Variants in FAT3 observed in about 807,000 individuals in gnomAD.
The protein encoded by FAT3 is FAT atypical cadherin 3.
A neutral mutation model predicts 310.2 loss-of-function variants in FAT3; 95 were observed. The ratio of observed to expected loss-of-function variants is 0.31; its 90% confidence interval spans 0.26 to 0.36. The LOEUF (loss-of-function observed/expected upper bound fraction) is 0.36. Ranked by LOEUF, FAT3 falls within the 10% of genes least tolerant of loss-of-function variation. FAT3 has a pLI of 1.00. For missense variants in FAT3, 5,408 were observed against 5,715.6 expected (o/e 0.95, Z 1.74); for synonymous variants, 2,314 against 2,192.9 (o/e 1.06, Z -1.54).
At chr11:92,812,478 A>C (rs1341408807) in intron 13 of FAT3, among the ~76,000 whole-genome samples, 1 of 152,032 alleles carries the variant, frequency 6.6e-6, no homozygotes, top group Non-Finnish European at 1.5e-5. Context: ...GCTACTCGGG[A>C]AGCTGAGGCA....
chr11:92,626,866 G>A (rs1368192733), intron 3 of FAT3, among the ~76,000 whole-genome samples: 6 of 152,288 alleles, frequency 3.9e-5, no homozygotes, highest in African/African-American at 1.2e-4. Flanking sequence ...CATGGTGCTT[G>A]TTCTGCTATG....
intron 10 of FAT3, 151 bp from the exon 11 acceptor site, chr11:92,805,002 G>T: frequency 1.5e-6 from 1 of 654,026 alleles, no homozygotes; most frequent in Non-Finnish European, 2.3e-6. Flanking sequence ...TGTTGCCCAA[G>T]AATCAAAGGG....
chr11:92,372,770 C>T (rs569321728), intron 2 of FAT3, among the ~76,000 whole-genome samples: 1 of 152,148 alleles, frequency 6.6e-6, no homozygotes, highest in East Asian at 1.9e-4. Context: ...ATGCCATTCT[C>T]CTGCCTCAGC....
At chr11:92,562,872 G>A (rs1014883020) in intron 3 of FAT3, among the ~76,000 whole-genome samples, 6 of 152,194 alleles carry the variant, frequency 3.9e-5, no homozygotes, top group African/African-American at 1.4e-4. Context: ...ACAGGTGAGG[G>A]TGGATTATTA....
intron 1 of FAT3, among the ~76,000 whole-genome samples, chr11:92,273,564 A>G (rs1946186453): frequency 1.3e-5 from 2 of 152,140 alleles, no homozygotes; most frequent in South Asian, 4.1e-4. Flanking sequence ...AATATCATAC[A>G]CTTTATCAAA....
chr11:92,482,948 GTTA>G (rs1234061432), intron 2 of FAT3, among the ~76,000 whole-genome samples: 5 of 152,202 alleles, frequency 3.3e-5, no homozygotes, highest in African/African-American at 9.6e-5. Flanking sequence ...ACAAAGAGCA[GTTA>G]TCATCGTAAA....
At chr11:92,449,473 G>A (rs1051161746) in intron 2 of FAT3, among the ~76,000 whole-genome samples, 1 of 149,844 alleles carries the variant, frequency 6.7e-6, no homozygotes, top group Non-Finnish European at 1.5e-5. Context: ...AGTATACCTG[G>A]TTATTCTTCC....
At chr11:92,591,662 G>A (rs541556) in intron 3 of FAT3, among the ~76,000 whole-genome samples, 86,969 of 151,956 alleles carry the variant, frequency 0.57, 26,608 homozygotes, top group African/African-American at 0.8. Flanking sequence ...AATTTTTGCT[G>A]AACTATAAGC....
intron 2 of FAT3, among the ~76,000 whole-genome samples, chr11:92,447,724 G>A (rs374410526): frequency 3.9e-5 from 6 of 152,152 alleles, no homozygotes; most frequent in African/African-American, 7.2e-5. Flanking sequence ...ACTGCTGTGC[G>A]CCAAGACCAG....
intron 6 of FAT3, among the ~76,000 whole-genome samples, chr11:92,770,967 A>G (rs1252592617): frequency 6.6e-6 from 1 of 152,040 alleles, no homozygotes; most frequent in African/African-American, 2.4e-5. Flanking sequence ...TGTTTACTCT[A>G]TTACACCTGT....
rs190854653 is a variant in FAT3, at chr11:92,351,452, T to C, written c.-17-644T>C. ...CAAAACACAGTTAATCCTTTTTAAA[T>C]ATAAAAATTCATTTGCACATATAGG... On this transcript the variant is annotated intron_variant, in intron 1 of 27. Transcript: ENST00000525166. 6.1e-3 allele frequency among the ~76,000 whole-genome samples: 935 copies of C among 152,310 alleles called. 10 individuals carry two copies. The highest frequency in any genetic ancestry group is 0.017 in the Middle Eastern group (5 of 294).
chr11:92,805,031 G>T (rs1310323285), intron 10 of FAT3, 122 bp from the exon 11 acceptor site: 4 of 869,110 alleles, frequency 4.6e-6, no homozygotes, highest in Non-Finnish European at 6.6e-6. Context: ...TATCTTTGTA[G>T]TATCCTAAAT....
chr11:92,625,487 G>A (rs562993689), intron 3 of FAT3, among the ~76,000 whole-genome samples: 18 of 152,272 alleles, frequency 1.2e-4, no homozygotes, highest in Admixed American at 9.8e-4. Context: ...CCTGAGGCCT[G>A]CAACACCAGC....
chr11:92,812,306 C>G (rs1046640543), intron 13 of FAT3, among the ~76,000 whole-genome samples: 1 of 152,146 alleles, frequency 6.6e-6, no homozygotes, highest in African/African-American at 2.4e-5. Context: ...GCACACAAAT[C>G]TGGCTTTCTA....
chr11:92,333,321 G>T (rs1591122718), intron 1 of FAT3, among the ~76,000 whole-genome samples: 1 of 152,294 alleles, frequency 6.6e-6, no homozygotes, highest in African/African-American at 2.4e-5. Context: ...TATTATAATA[G>T]TGATTCCTGT....
chr11:92,789,024 TAAAC>T (rs1946970914), intron 7 of FAT3, among the ~76,000 whole-genome samples: 2 of 152,190 alleles, frequency 1.3e-5, no homozygotes, highest in South Asian at 2.1e-4. Context: ...GTATATGTGA[TAAAC>T]AAACAAAACA....
intron 2 of FAT3, among the ~76,000 whole-genome samples, chr11:92,360,515 C>G (rs1356358042): frequency 6.6e-6 from 1 of 152,166 alleles, no homozygotes; most frequent in Non-Finnish European, 1.5e-5. Flanking sequence ...ATATTTTTGA[C>G]TACTCAGAGG....
chr11:92,617,459 A>G (rs758067281), intron 3 of FAT3, among the ~76,000 whole-genome samples: 4 of 152,118 alleles, frequency 2.6e-5, no homozygotes, highest in Non-Finnish European at 5.9e-5. Flanking sequence ...GTTATTACCA[A>G]TCGTCTGAAG....
rs1348455254 is a variant in FAT3, at chr11:92,857,201, A to G, written c.11366-13A>G. ...TTTGTGTACTGATCATGCATATTCCACCTTTGTCACAGGAGGACTGTGTCC... is the reference window on the plus strand; with the variant it reads ...TTTGTGTACTGATCATGCATATTCCGCCTTTGTCACAGGAGGACTGTGTCC... On this transcript the variant is annotated splice_polypyrimidine_tract_variant and intron_variant, in intron 19 of 27. Coordinates refer to ENST00000525166, the MANE Select transcript of FAT3 (RefSeq NM_001367949.2). 9.3e-6 allele frequency: 15 copies of G among 1,613,728 alleles called. No homozygotes were observed. Among genetic ancestry groups the G allele is most frequent in the Non-Finnish European group, 1.2e-5 (14 of 1,179,808 alleles).
Sources: allele counts gnomAD v4.1 joint callset (sites outside exome capture counted in the v4.1 genomes callset), GRCh38; gene constraint gnomAD v4.1.1; transcripts MANE v1.5; gene names NCBI Gene and HGNC (gene_info 2026-07-23, HGNC 2026-07-21).